Variants in SART3 observed in about 807,000 individuals in gnomAD.
The protein encoded by SART3 is HIV-1 Tat-interacting protein of 110kDa.
A neutral mutation model predicts 122.3 loss-of-function variants in SART3; 44 were observed. That is an observed-to-expected ratio of 0.36 (90% CI 0.28 to 0.46). The LOEUF is 0.46. Among genes scored for constraint, SART3 ranks in the 20% least tolerant of loss-of-function variants. SART3 has a pLI of 1.00. For missense variants in SART3, 1,101 were observed against 1,229.0 expected (o/e 0.90, Z 1.56); for synonymous variants, 442 against 454.0 (o/e 0.97, Z 0.34).
intron 12 of SART3, 57 bp downstream of exon 12, chr12:108,535,302 G>T: frequency 7.2e-7 from 1 of 1,390,494 alleles, no homozygotes; most frequent in Non-Finnish European, 1.0e-6. Context: ...AGCCAGGAGT[G>T]AAGACAGGTG....
At chr12:108,554,684 A>C (rs1428297323) in intron 1 of SART3, among the ~76,000 whole-genome samples, 1 of 148,530 alleles carries the variant, frequency 6.7e-6, no homozygotes, top group Non-Finnish European at 1.5e-5. Context: ...TTATATATTT[A>C]TATTTAGTAA....
At chr12:108,558,052 C>T (rs927657908) in intron 1 of SART3, among the ~76,000 whole-genome samples, 2 of 151,880 alleles carry the variant, frequency 1.3e-5, no homozygotes, top group Admixed American at 6.6e-5. Flanking sequence ...GCCTGTAGTC[C>T]GAGATACTTT....
At chr12:108,557,648 A>G (rs140451530) in intron 1 of SART3, among the ~76,000 whole-genome samples, 1 of 152,276 alleles carries the variant, frequency 6.6e-6, no homozygotes, top group African/African-American at 2.4e-5. Flanking sequence ...TAACTGGGAC[A>G]CCCAAGACTC....
At chr12:108,548,732 A>C (rs1324925090) in intron 2 of SART3, among the ~76,000 whole-genome samples, 1 of 152,240 alleles carries the variant, frequency 6.6e-6, no homozygotes, top group African/African-American at 2.4e-5. Context: ...TACATAAAAA[A>C]CTGTCTGTAA....
Position 108,523,388 on chromosome 12 carries a change from A to G in SART3, c.*69T>C. 1.3e-6 allele frequency: 2 copies of G among 1,516,826 alleles called. No individual in the cohort carries two copies. The highest frequency in any genetic ancestry group is 1.8e-6 in the Non-Finnish European group (2 of 1,093,134). The allele number at this position is 1,516,826 out of a possible 1,614,324, so 94.0% of individuals were successfully genotyped here. A position where few individuals can be genotyped will look rare whatever the true frequency, so the allele number is the denominator to read the frequency against. ...CACCAGGCCTGTCCATCCCCAGTGC[A>G]CTGCTGGGTGGTGGGAGGTCCGCCG... On this transcript the variant is annotated 3_prime_UTR_variant, in exon 19 of 19. Coordinates refer to ENST00000546815, the MANE Select transcript of SART3 (RefSeq NM_014706.4).
rs752265070 is a variant in SART3, at chr12:108,525,502, G to C, written c.2478C>G (p.Thr826=). Residue 826 remains threonine, a synonymous_variant, in exon 17 of 19, where the codon ACC becomes ACG. Coordinates refer to ENST00000546815, the MANE Select transcript of SART3 (RefSeq NM_014706.4). ...ELEEICKAHG[T]VKDLRLVTNR... ...TGGTGACCAGCCTGAGGTCCTTCAC[G>C]GTGCCATGAGCCTTACAGATTTCTT... 1 of 1,614,128 alleles carries C rather than the reference G, an allele frequency of 6.2e-7. No homozygotes were observed. The highest frequency in any genetic ancestry group is 8.5e-7 in the Non-Finnish European group (1 of 1,180,028).
At chr12:108,524,119 G>C (rs1004601681) in intron 18 of SART3, 197 bp downstream of exon 18, 1 of 629,794 alleles carries the variant, frequency 1.6e-6, no homozygotes, top group Admixed American at 2.6e-5. Context: ...GTACCAGGCA[G>C]AGGTCACTGC....
At position 108,544,404 on chromosome 12, in the gene SART3, G is replaced by A. The variant is rs776765707; in HGVS notation, c.781+23C>T. 18 of 1,597,894 alleles carry A rather than the reference G, an allele frequency of 1.1e-5. No individual in the cohort carries two copies. In the East Asian group the frequency reaches 1.3e-4, roughly 12 times the overall value. On this transcript the variant is annotated intron_variant, in intron 5 of 18. Transcript: ENST00000546815. ...TTTTAAAAACCATAGAGGGCTGGCTGTTGACATGTCAGTTTCTCTTACCAT... is the reference window on the plus strand; with the variant it reads ...TTTTAAAAACCATAGAGGGCTGGCTATTGACATGTCAGTTTCTCTTACCAT...
chr12:108,554,457 T>A (rs2030134293), intron 1 of SART3, among the ~76,000 whole-genome samples: 2 of 151,890 alleles, frequency 1.3e-5, no homozygotes, highest in African/African-American at 4.8e-5. Context: ...CACTACAAAA[T>A]CATCCAGTAT....
intron 14 of SART3, 134 bp from the exon 15 acceptor site, chr12:108,530,444 G>C (rs1002117365): frequency 1.1e-5 from 11 of 965,386 alleles, no homozygotes; most frequent in Non-Finnish European, 1.8e-5. Flanking sequence ...ACGTGGACAG[G>C]CTCACGGCTG....
intron 18 of SART3, 41 bp downstream of exon 18, chr12:108,524,275 C>T: frequency 6.4e-7 from 1 of 1,559,392 alleles, no homozygotes; most frequent in South Asian, 1.1e-5. Flanking sequence ...CTGGTGCCAG[C>T]CAGGACGAAG....
intron 7 of SART3, 117 bp downstream of exon 7, chr12:108,538,817 A>G: frequency 1.6e-6 from 2 of 1,261,360 alleles, no homozygotes; most frequent in South Asian, 1.3e-5. Flanking sequence ...GAGGAGAAAA[A>G]GCAGATGGAG....
At chr12:108,557,474 T>G (rs765841665) in intron 1 of SART3, among the ~76,000 whole-genome samples, 1 of 152,086 alleles carries the variant, frequency 6.6e-6, no homozygotes, top group South Asian at 2.1e-4. Flanking sequence ...GGAGAAATAA[T>G]AGAGAGGACT....
In SART3 at chr12:108,526,520, C is replaced by T; in HGVS notation, c.1949G>A (p.Ser650Asn). Residue 650 changes from serine to asparagine, a missense_variant, in exon 16 of 19, where the codon AGC becomes AAC. Ser to Asn is a conservative substitution (Grantham distance 46). Coordinates refer to ENST00000546815, the MANE Select transcript of SART3 (RefSeq NM_014706.4). The stretch of plus-strand genomic sequence containing the variant: ...TTGTGTTTCTCCAGCTGCAGGGATG[C>T]TGTTCTCGACCCTTCTGCGTTTGGA... ...QPSKRRRVEN[S>N]IPAAGETQNV... 6.2e-7 allele frequency: 1 copy of T among 1,614,110 alleles called. No homozygotes were observed. The highest frequency in any genetic ancestry group is 2.2e-5 in the East Asian group (1 of 44,886).
At chr12:108,541,807 G>A (rs762627621) in intron 6 of SART3, among the ~76,000 whole-genome samples, 24 of 152,162 alleles carry the variant, frequency 1.6e-4, no homozygotes, top group Non-Finnish European at 3.1e-4. Flanking sequence ...GAAAGTGCTG[G>A]GATTACAGGC....
At chr12:108,535,540 C>A in intron 11 of SART3, 72 bp from the exon 12 acceptor site, 1 of 1,195,358 alleles carries the variant, frequency 8.4e-7, no homozygotes, top group Non-Finnish European at 1.2e-6. Context: ...AACACACTTC[C>A]AACAGACACA....
In SART3 at chr12:108,536,731, T is replaced by C. The variant is rs1872922475; in HGVS notation, c.1364A>G (p.Tyr455Cys). The change falls in exon 10 of 19, where the codon TAT (tyrosine) becomes TGT (cysteine). Residue 455 changes from tyrosine (Y) to cysteine (C), a missense_variant. Physicochemically the swap from Tyr to Cys is radical, Grantham distance 194. Transcript: ENST00000546815. ...ACGCTCTTCCACCTCCTGCTTCAGATACTCCAAGGCACGAGTAAAGGCGGC... is the reference window on the plus strand; with the variant it reads ...ACGCTCTTCCACCTCCTGCTTCAGACACTCCAAGGCACGAGTAAAGGCGGC... Reference protein sequence around the residue: ...LRAAFTRALEYLKQEVEERFN... With the variant: ...LRAAFTRALECLKQEVEERFN... 1.2e-6 allele frequency: 2 copies of C among 1,614,000 alleles called. No homozygotes were observed. The highest frequency in any genetic ancestry group is 1.1e-5 in the South Asian group (1 of 91,078).
At chr12:108,550,119 T>G (rs1326867286) in intron 1 of SART3, among the ~76,000 whole-genome samples, 1 of 152,134 alleles carries the variant, frequency 6.6e-6, no homozygotes, top group Non-Finnish European at 1.5e-5. Flanking sequence ...AAAGTTTTAT[T>G]TGTACATTTG....
chr12:108,558,906 G>A (rs1388546215), intron 1 of SART3, among the ~76,000 whole-genome samples: 6 of 152,048 alleles, frequency 3.9e-5, no homozygotes, highest in South Asian at 2.1e-4. Flanking sequence ...GGTGGCGGGC[G>A]CCTGTAGTCC....
Sources: gnomAD v4.1 joint callset for allele counts (sites outside exome capture counted in the v4.1 genomes callset) on GRCh38, gnomAD v4.1.1 for gene constraint, MANE v1.5 for transcripts, NCBI Gene and HGNC (gene_info 2026-07-23, HGNC 2026-07-21) for gene names.